Variants in CTNNA2 observed in about 807,000 individuals in gnomAD.
The protein encoded by CTNNA2 is catenin alpha 2.
Under a neutral mutation model 101.0 loss-of-function variants are expected in CTNNA2, and 42 were observed. The ratio of observed to expected loss-of-function variants is 0.42; its 90% confidence interval spans 0.32 to 0.54. The LOEUF (loss-of-function observed/expected upper bound fraction) is 0.54, where lower values mean the gene tolerates loss of function less well. CTNNA2 is among the 20% of genes least tolerant of loss of function. The probability of loss-of-function intolerance (pLI) is 0.14; values close to 1 mark genes in which losing one functional copy is unlikely to be tolerated. For synonymous variants in CTNNA2, 450 were observed against 456.4 expected (o/e 0.99, Z 0.18); for missense variants, 871 against 1,223.1 (o/e 0.71, Z 4.29).
chr2:79,402,314 C>G (rs1447996768), intron 4 of CTNNA2, among the ~76,000 whole-genome samples: 2 of 151,620 alleles, frequency 1.3e-5, no homozygotes, highest in East Asian at 3.9e-4. Context: ...TAATATAAAC[C>G]TCATAGATAG....
At chr2:80,384,696 T>A (rs1573909433) in intron 7 of CTNNA2, among the ~76,000 whole-genome samples, 1 of 151,650 alleles carries the variant, frequency 6.6e-6, no homozygotes, top group South Asian at 2.1e-4. Flanking sequence ...CTAACTGGAT[T>A]TAGGGGAGAA....
At chr2:79,300,842 G>A (rs1676092420) in intron 2 of CTNNA2, among the ~76,000 whole-genome samples, 1 of 152,052 alleles carries the variant, frequency 6.6e-6, no homozygotes, top group Non-Finnish European at 1.5e-5. Flanking sequence ...TCTTATGTCA[G>A]TCTTCTGCTA....
intron 9 of CTNNA2, among the ~76,000 whole-genome samples, chr2:80,438,311 C>T (rs1459351135): frequency 6.6e-6 from 1 of 152,094 alleles, no homozygotes; most frequent in Non-Finnish European, 1.5e-5. Context: ...GTTTAAAGAC[C>T]CTATCTCCTA....
At chr2:79,587,460 G>T (rs1201047000) in intron 1 of CTNNA2, among the ~76,000 whole-genome samples, 1 of 151,962 alleles carries the variant, frequency 6.6e-6, no homozygotes, top group Non-Finnish European at 1.5e-5. Context: ...TGCTGCCCAT[G>T]CACACTTCCT....
intron 2 of CTNNA2, among the ~76,000 whole-genome samples, chr2:79,268,626 G>A (rs924955306): frequency 4.6e-5 from 7 of 152,172 alleles, no homozygotes; most frequent in Admixed American, 1.3e-4. Flanking sequence ...CAGTCTTGAG[G>A]AACAGAGGCC....
intron 7 of CTNNA2, among the ~76,000 whole-genome samples, chr2:79,942,699 A>G (rs567514484): frequency 2.0e-5 from 3 of 152,304 alleles, no homozygotes; most frequent in East Asian, 3.9e-4. Flanking sequence ...CATACTTGCC[A>G]TATCCCCAGT....
chr2:79,836,209 C>T (rs953381813), intron 3 of CTNNA2, among the ~76,000 whole-genome samples: 1 of 152,032 alleles, frequency 6.6e-6, no homozygotes, highest in Non-Finnish European at 1.5e-5. Context: ...TTTTTTTGCT[C>T]CTTAAATTGA....
At chr2:79,518,926 A>G (rs904625154) in intron 1 of CTNNA2, among the ~76,000 whole-genome samples, 5 of 152,116 alleles carry the variant, frequency 3.3e-5, no homozygotes, top group African/African-American at 1.2e-4. Flanking sequence ...AGTGTATACA[A>G]GACTCAAATT....
At chr2:79,374,668 G>T (rs1677945978) in intron 4 of CTNNA2, among the ~76,000 whole-genome samples, 1 of 151,964 alleles carries the variant, frequency 6.6e-6, no homozygotes, top group African/African-American at 2.4e-5. Context: ...GTGGAAATTT[G>T]GGAGATGATG....
chr2:79,940,374 T>A (rs1688071931), intron 7 of CTNNA2, among the ~76,000 whole-genome samples: 1 of 152,194 alleles, frequency 6.6e-6, no homozygotes. Context: ...AATTGCAAAA[T>A]GCTTATTATA....
At chr2:79,624,901 G>C (rs746590122) in intron 1 of CTNNA2, among the ~76,000 whole-genome samples, 1 of 152,112 alleles carries the variant, frequency 6.6e-6, no homozygotes. Context: ...TGTATCCCTT[G>C]TTCTTGTCTC....
intron 4 of CTNNA2, among the ~76,000 whole-genome samples, chr2:79,460,854 C>G (rs1340440641): frequency 7.0e-6 from 1 of 142,620 alleles, no homozygotes; most frequent in East Asian, 2.0e-4. Flanking sequence ...TTTTCTTTTT[C>G]TTTTCGAGAC....
At chr2:79,507,823 G>A (rs1671446802) in intron 5 of CTNNA2, among the ~76,000 whole-genome samples, 1 of 152,138 alleles carries the variant, frequency 6.6e-6, no homozygotes, top group Non-Finnish European at 1.5e-5. Context: ...TGTGGGAAAT[G>A]CTACACATAT....
At chr2:80,418,186 G>A (rs1054590005) in intron 8 of CTNNA2, among the ~76,000 whole-genome samples, 6 of 152,102 alleles carry the variant, frequency 3.9e-5, no homozygotes, top group South Asian at 2.1e-4. Flanking sequence ...TACCCTAGGC[G>A]CTGCCATTTG....
chr2:79,317,557 A>G (rs1676526076), intron 3 of CTNNA2, among the ~76,000 whole-genome samples: 1 of 151,750 alleles, frequency 6.6e-6, no homozygotes, highest in African/African-American at 2.4e-5. Flanking sequence ...GATTTGGTGG[A>G]CTCCTTTCAT....
At chr2:79,682,134 C>T (rs1219239662) in intron 2 of CTNNA2, among the ~76,000 whole-genome samples, 5 of 152,038 alleles carry the variant, frequency 3.3e-5, no homozygotes, top group African/African-American at 1.2e-4. Context: ...TCTGGCCAGG[C>T]GCGGTGGCTC....
At chr2:80,126,365 G>T (rs747007714) in intron 7 of CTNNA2, among the ~76,000 whole-genome samples, 1 of 151,868 alleles carries the variant, frequency 6.6e-6, no homozygotes, top group Non-Finnish European at 1.5e-5. Context: ...CCTCCCCATA[G>T]AGTGAAAGTT....
At chr2:79,668,067 C>T (rs112526780) in intron 2 of CTNNA2, among the ~76,000 whole-genome samples, 3,481 of 150,360 alleles carry the variant, frequency 0.023, 55 homozygotes, top group Non-Finnish European at 0.031. Flanking sequence ...GGTGAAACCC[C>T]GTCTCTACTA....
chr2:79,421,352 G>A (rs1422838224), intron 4 of CTNNA2, among the ~76,000 whole-genome samples: 4 of 152,118 alleles, frequency 2.6e-5, no homozygotes, highest in Non-Finnish European at 4.4e-5. Flanking sequence ...GAACTTACGC[G>A]AGAGCTGAGA....
Sources: gnomAD v4.1 joint callset for allele counts (sites outside exome capture counted in the v4.1 genomes callset) on GRCh38, gnomAD v4.1.1 for gene constraint, MANE v1.5 for transcripts, NCBI Gene and HGNC (gene_info 2026-07-23, HGNC 2026-07-21) for gene names.